The following LEPR variants were observed in gnomAD, a reference collection of about 807,000 sequenced individuals.
LEPR encodes the protein OB receptor.
Under a neutral mutation model 114.7 loss-of-function variants are expected in LEPR, and 56 were observed. That is an observed-to-expected ratio of 0.49 (90% CI 0.39 to 0.61). LEPR has a LOEUF of 0.61. LEPR is among the 20% of genes least tolerant of loss of function. LEPR has a pLI of 0.00. For missense variants in LEPR, 1,202 were observed against 1,352.9 expected (o/e 0.89, Z 1.75); for synonymous variants, 443 against 461.4 (o/e 0.96, Z 0.51).
chr1:65,621,739 C>T (rs1302267989), intron 18 of LEPR, among the ~76,000 whole-genome samples: 1 of 152,102 alleles, frequency 6.6e-6, no homozygotes, highest in East Asian at 1.9e-4. Flanking sequence ...GGCTTCTGGC[C>T]AATTTTGTTC....
intron 2 of LEPR, among the ~76,000 whole-genome samples, chr1:65,447,542 T>C (rs1422710085): frequency 1.3e-5 from 2 of 151,374 alleles, no homozygotes; most frequent in Non-Finnish European, 2.9e-5. Flanking sequence ...TTCTTTTTTT[T>C]TTTTTTTGAT....
At chr1:65,515,873 AT>A (rs1446844117) in intron 2 of LEPR, among the ~76,000 whole-genome samples, 1 of 152,196 alleles carries the variant, frequency 6.6e-6, no homozygotes, top group East Asian at 1.9e-4. Context: ...TAAAGAAAAA[AT>A]TGCTAGCACT....
At chr1:65,549,556 A>G (rs1383892608) in intron 2 of LEPR, among the ~76,000 whole-genome samples, 1 of 151,972 alleles carries the variant, frequency 6.6e-6, no homozygotes. Context: ...GCTTCATTTC[A>G]TTCATTTCAT....
intron 2 of LEPR, among the ~76,000 whole-genome samples, chr1:65,564,181 A>G (rs1356129347): frequency 2.7e-5 from 4 of 149,908 alleles, no homozygotes; most frequent in Non-Finnish European, 3.0e-5. Context: ...TTGATCTCAG[A>G]CTGCTGTGCT....
chr1:65,434,045 A>G (rs1019376132), intron 2 of LEPR: 6 of 985,362 alleles, frequency 6.1e-6, no homozygotes, highest in Non-Finnish European at 4.8e-6. Flanking sequence ...TGTTGCTTAT[A>G]CACATTTTCA....
At chr1:65,596,815 C>A (rs1361000691) in intron 7 of LEPR, among the ~76,000 whole-genome samples, 1 of 151,784 alleles carries the variant, frequency 6.6e-6, no homozygotes, top group Non-Finnish European at 1.5e-5. Flanking sequence ...TTCATAATTA[C>A]AATTATTTTC....
intron 7 of LEPR, among the ~76,000 whole-genome samples, chr1:65,598,073 G>T (rs1401821202): frequency 6.9e-6 from 1 of 144,986 alleles, no homozygotes; most frequent in African/African-American, 2.6e-5. Context: ...TGATCTCCTA[G>T]GCTCAAGTGA....
Position 65,610,107 on chromosome 1 carries a change from G to GTCTGCAGAGATTT in LEPR, c.1912+3_1912+15dup, listed in dbSNP as rs763715495. The GTCTGCAGAGATTT allele has an allele frequency of 6.2e-7, 1 of 1,614,162 alleles. No individual in the cohort carries two copies. The highest frequency in any genetic ancestry group is 8.5e-7 in the Non-Finnish European group (1 of 1,180,004). On this transcript the variant is annotated splice_donor_variant, in intron 13 of 19. Coordinates refer to ENST00000349533, the MANE Select transcript of LEPR (RefSeq NM_002303.6). LOFTEE classifies it high-confidence loss of function. ...TACACAGTTGTCATGGATATAAAAG[G>GTCTGCAGAGATTT]TCTGCAGAGATTTTGTAAATGTGTT...
Position 65,479,268 on chromosome 1 carries a change from A to ATT in LEPR, c.-21+53898_-21+53899dup, listed in dbSNP as rs111865229. Reference sequence around the variant, plus strand: ...TCCCATAGCTCTTAGTACAGGACATATTTTTTTTTACAATAGCAGCAGCAG... The same window carrying ATT: ...TCCCATAGCTCTTAGTACAGGACATATTTTTTTTTTTACAATAGCAGCAGCAG... On this transcript the variant is annotated intron_variant, in intron 2 of 19. Transcript: ENST00000349533. Among the ~76,000 whole-genome samples the ATT allele has an allele frequency of 6.7e-4, 101 of 151,332 alleles. 1 individual carries two copies. The highest frequency in any genetic ancestry group is 2.7e-3 in the Admixed American group (41 of 15,188).
At chr1:65,532,507 T>C (rs1650471816) in intron 2 of LEPR, among the ~76,000 whole-genome samples, 1 of 152,172 alleles carries the variant, frequency 6.6e-6, no homozygotes, top group South Asian at 2.1e-4. Context: ...GATGAAAATA[T>C]ACATCCACAC....
At position 65,467,201 on chromosome 1, in the gene LEPR, C is replaced by G. The variant is rs1026679912; in HGVS notation, c.-21+41823C>G. Among the ~76,000 whole-genome samples the G allele has an allele frequency of 7.9e-5, 12 of 152,262 alleles. No individual in the cohort carries two copies. The East Asian group carries it at 9.6e-4, about 12-fold the overall frequency. ...TTTGGTCTTTGATGTTATTGACCTA[C>G]TGATGGGATTTTGGTGTAGCTGTCC... On this transcript the variant is annotated intron_variant, in intron 2 of 19. Transcript: ENST00000349533.
Position 65,616,242 on chromosome 1 carries a change from G to A in LEPR, c.2212+18G>A. The A allele has an allele frequency of 3.7e-6, 6 of 1,609,802 alleles. No individual in the cohort carries two copies. Among genetic ancestry groups the A allele is most frequent in the Middle Eastern group, 1.7e-4 (1 of 6,046 alleles). ...GAGCAAAGGTAAGAAGAGGTACAGA[G>A]TGGTAATCCATTGCCTCTTTTAATA... On this transcript the variant is annotated intron_variant, in intron 15 of 19. Transcript: ENST00000349533.
intron 2 of LEPR, among the ~76,000 whole-genome samples, chr1:65,442,421 G>A (rs904519949): frequency 2.5e-4 from 38 of 152,126 alleles, no homozygotes; most frequent in African/African-American, 8.7e-4. Context: ...AACTAAACTA[G>A]TATATATCCC....
chr1:65,451,794 G>GT (rs1286910911), intron 2 of LEPR, among the ~76,000 whole-genome samples: 2 of 152,010 alleles, frequency 1.3e-5, no homozygotes, highest in East Asian at 3.8e-4. Context: ...CTTTAAAGTA[G>GT]TTTTTTCCAA....
In LEPR at chr1:65,559,766, T is replaced by C. The variant is rs1427516308; in HGVS notation, c.-20-5780T>C. Among the ~76,000 whole-genome samples, 4 of 136,526 alleles carry C rather than the reference T, an allele frequency of 2.9e-5. No homozygotes were observed. The East Asian group carries it at 7.9e-4, about 27-fold the overall frequency. The allele number at this position is 136,526 out of a possible 152,430, so 89.6% of individuals were successfully genotyped here. ...AGGGATCCAGTTTCAGCTTCCTACA[T>C]ATGGCTAGCCAGTTTTCCCAGCACC... On this transcript the variant is annotated intron_variant, in intron 2 of 19. Coordinates refer to ENST00000349533, the MANE Select transcript of LEPR (RefSeq NM_002303.6).
chr1:65,441,685 G>C (rs1281553291), intron 2 of LEPR, among the ~76,000 whole-genome samples: 2 of 152,190 alleles, frequency 1.3e-5, no homozygotes, highest in East Asian at 1.9e-4. Context: ...AAGGGGAAGT[G>C]GGGGAGGGGT....
intron 2 of LEPR, among the ~76,000 whole-genome samples, chr1:65,484,657 G>A (rs7513047): frequency 0.33 from 49,585 of 152,094 alleles, 10,327 homozygotes; most frequent in Non-Finnish European, 0.47. Context: ...AGAATCCTGA[G>A]TATTTCATGC....
intron 6 of LEPR, among the ~76,000 whole-genome samples, chr1:65,595,413 T>C (rs992806514): frequency 9.9e-5 from 15 of 152,098 alleles, no homozygotes; most frequent in African/African-American, 3.6e-4. Flanking sequence ...GTACAATAGC[T>C]TGTAATATTG....
chr1:65,572,235 T>A, intron 4 of LEPR, 91 bp from the exon 5 acceptor site: 6 of 1,419,830 alleles, frequency 4.2e-6, no homozygotes, highest in Non-Finnish European at 5.6e-6. Flanking sequence ...TAAATTTGAT[T>A]TAGCTCTTCT....
Sources: gnomAD v4.1 joint callset for allele counts (sites outside exome capture counted in the v4.1 genomes callset) on GRCh38, gnomAD v4.1.1 for gene constraint, MANE v1.5 for transcripts, NCBI Gene and HGNC (gene_info 2026-07-23, HGNC 2026-07-21) for gene names.